The following PAPPA variants were observed in gnomAD, a reference collection of about 807,000 sequenced individuals.
PAPPA encodes the protein pappalysin 1.
In PAPPA, 60 loss-of-function variants were observed where a neutral mutation model predicts 164.0. The ratio of observed to expected loss-of-function variants is 0.37; its 90% CI spans 0.30 to 0.45. PAPPA has a LOEUF of 0.45. PAPPA is among the 20% of genes least tolerant of loss of function. The pLI, the probability that PAPPA is intolerant of heterozygous loss-of-function variation, is 1.00. For synonymous variants in PAPPA, 875 were observed against 814.1 expected, an observed-to-expected ratio of 1.07 and a Z score of -1.27; for missense variants, 1,782 against 2,087.3, an observed-to-expected ratio of 0.85 and a Z score of 2.85.
intron 7 of PAPPA, among the ~76,000 whole-genome samples, chr9:116,238,513 C>A (rs1175491219): frequency 6.6e-6 from 1 of 152,322 alleles, no homozygotes; most frequent in East Asian, 1.9e-4. Context: ...ATTAGGATGA[C>A]TCAGACCAGT....
intron 1 of PAPPA, among the ~76,000 whole-genome samples, chr9:116,170,282 C>T (rs750140562): frequency 7.9e-5 from 12 of 152,180 alleles, no homozygotes; most frequent in Non-Finnish European, 1.3e-4. Context: ...TCATATCAGA[C>T]TGAGCAATTG....
chr9:116,234,413 A>G (rs1261986781), intron 6 of PAPPA, among the ~76,000 whole-genome samples: 1 of 152,114 alleles, frequency 6.6e-6, no homozygotes, highest in Non-Finnish European at 1.5e-5. Context: ...GAGGAGAGAT[A>G]AGAGGGCTCC....
chr9:116,217,321 C>G (rs977832975), intron 4 of PAPPA, among the ~76,000 whole-genome samples: 4 of 152,008 alleles, frequency 2.6e-5, no homozygotes, highest in African/African-American at 9.7e-5. Context: ...TTAAATGCCC[C>G]CAATTTATGC....
rs1846992445 is a variant in PAPPA at position 116,398,223 on chromosome 9, A to AAATT, written c.*1611_*1614dup. 6.1e-6 allele frequency: 1 copy of AAATT among 164,324 alleles called. No homozygotes were observed. Among genetic ancestry groups the AAATT allele is most frequent in the Non-Finnish European group, 1.3e-5 (1 of 76,060 alleles). The allele number at this position is 164,324 out of a possible 1,614,324, so 10.2% of individuals were successfully genotyped here. Reference sequence around the variant, plus strand: ...ACTCCCTTTGAATTAATATGGGAAGAAATTAATACAGGATGAACTGGAGAG... The same window carrying AAATT: ...ACTCCCTTTGAATTAATATGGGAAGAAATTAATTAATACAGGATGAACTGGAGAG... On this transcript the variant is annotated 3_prime_UTR_variant, in exon 22 of 22. Coordinates refer to ENST00000328252, the MANE Select transcript of PAPPA (RefSeq NM_002581.5).
chr9:116,395,298 A>G (rs1018253044), intron 21 of PAPPA, among the ~76,000 whole-genome samples: 3 of 152,174 alleles, frequency 2.0e-5, no homozygotes, highest in Non-Finnish European at 4.4e-5. Context: ...AGGGAGGGAA[A>G]GAGGTCAAAG....
chr9:116,160,583 A>G (rs1435471132), intron 1 of PAPPA, among the ~76,000 whole-genome samples: 1 of 152,156 alleles, frequency 6.6e-6, no homozygotes, highest in Non-Finnish European at 1.5e-5. Flanking sequence ...CAATGAGGAG[A>G]AGAGAAAATC....
In PAPPA at chr9:116,398,588, G is replaced by A. The variant is rs187711705; in HGVS notation, c.*1972G>A. On this transcript the variant is annotated 3_prime_UTR_variant, in exon 22 of 22. Transcript: ENST00000328252. Reference sequence around the variant, plus strand: ...AAAACACTTGAGAAGACATCTATTGGCCATCTCTGGCCAATTACACTAAGA... The same window carrying A: ...AAAACACTTGAGAAGACATCTATTGACCATCTCTGGCCAATTACACTAAGA... 2 of 1,252,880 alleles carry A rather than the reference G, an allele frequency of 1.6e-6. No homozygotes were observed. The highest frequency in any genetic ancestry group is 1.2e-5 in the South Asian group (1 of 80,234). 77.6% of individuals were successfully genotyped at this position (1,252,880 alleles called of 1,614,324 possible). A position where few individuals can be genotyped will look rare whatever the true frequency, so the allele number is the denominator to read the frequency against.
At chr9:116,296,330 G>A (rs1845505889) in intron 9 of PAPPA, among the ~76,000 whole-genome samples, 1 of 152,194 alleles carries the variant, frequency 6.6e-6, no homozygotes. Context: ...TTTAGTCTAT[G>A]TATAATCTGG....
chr9:116,279,562 G>A (rs1355510154), intron 9 of PAPPA, among the ~76,000 whole-genome samples: 1 of 152,110 alleles, frequency 6.6e-6, no homozygotes, highest in East Asian at 1.9e-4. Flanking sequence ...CTCTCAGGAA[G>A]GGGTCAGGCT....
intron 5 of PAPPA, among the ~76,000 whole-genome samples, chr9:116,222,986 T>C (rs1264870356): frequency 6.6e-6 from 1 of 152,204 alleles, no homozygotes; most frequent in Non-Finnish European, 1.5e-5. Context: ...CAATTAAAAA[T>C]AAAATGTTAA....
At chr9:116,194,646 T>C (rs1844082517) in intron 2 of PAPPA, among the ~76,000 whole-genome samples, 1 of 152,138 alleles carries the variant, frequency 6.6e-6, no homozygotes, top group Non-Finnish European at 1.5e-5. Flanking sequence ...AATTGGGTGA[T>C]AGCAGCTATC....
chr9:116,239,316 C>T (rs1486926653), intron 7 of PAPPA, among the ~76,000 whole-genome samples: 1 of 152,240 alleles, frequency 6.6e-6, no homozygotes, highest in Non-Finnish European at 1.5e-5. Context: ...AGAAAGGGTA[C>T]CAGTGCCAAC....
chr9:116,295,553 C>CAAAAAAAA, intron 9 of PAPPA, among the ~76,000 whole-genome samples: 1 of 114,714 alleles, frequency 8.7e-6, no homozygotes, highest in East Asian at 2.4e-4. Flanking sequence ...GACTCGGTCT[C>CAAAAAAAA]AAAAAAAAAA....
chr9:116,277,255 T>C (rs889738035), intron 9 of PAPPA, among the ~76,000 whole-genome samples: 1 of 152,080 alleles, frequency 6.6e-6, no homozygotes, highest in South Asian at 2.1e-4. Context: ...GTGGAAAAAG[T>C]AGTAACTTTC....
intron 7 of PAPPA, among the ~76,000 whole-genome samples, chr9:116,250,751 A>G (rs1179854004): frequency 6.6e-6 from 1 of 152,230 alleles, no homozygotes; most frequent in Non-Finnish European, 1.5e-5. Context: ...GAGCTGAAAG[A>G]GGAAGCCACT....
chr9:116,375,516 C>T (rs879723030), intron 19 of PAPPA, among the ~76,000 whole-genome samples: 21 of 152,154 alleles, frequency 1.4e-4, no homozygotes, highest in Non-Finnish European at 2.1e-4. Flanking sequence ...AAATTATTGT[C>T]CACTGGTAAA....
At chr9:116,294,558 T>G (rs369754719) in intron 9 of PAPPA, among the ~76,000 whole-genome samples, 1 of 152,208 alleles carries the variant, frequency 6.6e-6, no homozygotes, top group South Asian at 2.1e-4. Context: ...AGGAAACATA[T>G]GCCAATATAT....
At chr9:116,231,474 T>A (rs892011999) in intron 6 of PAPPA, among the ~76,000 whole-genome samples, 2 of 152,162 alleles carry the variant, frequency 1.3e-5, no homozygotes, top group African/African-American at 2.4e-5. Flanking sequence ...TGCCATCTCC[T>A]TGCATGCTTT....
At chr9:116,219,659 C>T (rs935515566) in intron 4 of PAPPA, among the ~76,000 whole-genome samples, 3 of 152,106 alleles carry the variant, frequency 2.0e-5, no homozygotes, top group African/African-American at 4.8e-5. Context: ...TGTCCTTTGC[C>T]GTGACCTCTG....
Sources: allele counts gnomAD v4.1 joint callset (sites outside exome capture counted in the v4.1 genomes callset), GRCh38; gene constraint gnomAD v4.1.1; transcripts MANE v1.5; gene names NCBI Gene and HGNC (gene_info 2026-07-23, HGNC 2026-07-21).